Variants in MRPS35 observed in about 807,000 individuals in gnomAD.
MRPS35 encodes small ribosomal subunit protein mS35.
Under a neutral mutation model 32.7 loss-of-function variants are expected in MRPS35, and 29 were observed. The ratio of observed to expected loss-of-function variants is 0.89; its 90% CI spans 0.66 to 1.21. The LOEUF (loss-of-function observed/expected upper bound fraction) is 1.21. Ranked by LOEUF, MRPS35 falls within the 50% of genes most tolerant of loss-of-function variation. The pLI is 0.00. For missense variants in MRPS35, 373 were observed against 383.8 expected, an observed-to-expected ratio of 0.97 and a Z score of 0.23; for synonymous variants, 148 against 139.3, an observed-to-expected ratio of 1.06 and a Z score of -0.44.
intron 5 of MRPS35, among the ~76,000 whole-genome samples, chr12:27,731,552 A>C (rs557266346): frequency 6.6e-6 from 1 of 151,928 alleles, no homozygotes; most frequent in Non-Finnish European, 1.5e-5. Flanking sequence ...GGCTGTACCA[A>C]TTTTTTTCTT....
intron 7 of MRPS35, among the ~76,000 whole-genome samples, chr12:27,750,629 C>A (rs1419730725): frequency 2.1e-5 from 3 of 145,152 alleles, no homozygotes; most frequent in African/African-American, 8.1e-5. Flanking sequence ...ATGGCAAAAC[C>A]CCGTCTCTAC....
At chr12:27,729,718 T>C (rs900958169) in intron 5 of MRPS35, among the ~76,000 whole-genome samples, 1 of 152,142 alleles carries the variant, frequency 6.6e-6, no homozygotes, top group Non-Finnish European at 1.5e-5. Context: ...GTATCATTCT[T>C]TTATTCTACT....
intron 7 of MRPS35, 115 bp from the exon 8 acceptor site, chr12:27,755,066 C>T (rs2140788663): frequency 7.9e-7 from 1 of 1,270,036 alleles, no homozygotes; most frequent in Non-Finnish European, 1.1e-6. Context: ...TTGCAAACTT[C>T]TCTTCCCTTA....
chr12:27,744,751 G>A (rs753417930), intron 7 of MRPS35, among the ~76,000 whole-genome samples: 3 of 152,212 alleles, frequency 2.0e-5, no homozygotes, highest in Non-Finnish European at 1.5e-5. Context: ...TAATGGTAAA[G>A]TGTAACTACG....
chr12:27,729,434 C>T lies in MRPS35; in HGVS notation c.522+5248C>T, dbSNP rs2061912918. Reference sequence around the variant, plus strand: ...TTCAAGTAACCATAGCTTGTTTTTTCTTTTTGTCTTTTGCATTAGATAAAA... The same window carrying T: ...TTCAAGTAACCATAGCTTGTTTTTTTTTTTTGTCTTTTGCATTAGATAAAA... On this transcript the variant is annotated intron_variant, in intron 5 of 7. Transcript: ENST00000081029. Among the ~76,000 whole-genome samples, 3 of 151,950 alleles carry T rather than the reference C, an allele frequency of 2.0e-5. No homozygotes were observed. The South Asian group carries it at 6.2e-4, about 31-fold the overall frequency.
chr12:27,724,398 G>A (rs770595752), intron 5 of MRPS35, among the ~76,000 whole-genome samples: 7 of 151,800 alleles, frequency 4.6e-5, no homozygotes, highest in Non-Finnish European at 8.8e-5. Flanking sequence ...AAATTGATAT[G>A]TGTGATTATA....
At chr12:27,716,250 G>A (rs770876052) in intron 2 of MRPS35, 41 bp from the exon 3 acceptor site, 17 of 1,440,242 alleles carry the variant, frequency 1.2e-5, no homozygotes, top group South Asian at 7.6e-5. Context: ...ATTAAAGAAT[G>A]TGTTTATATT....
chr12:27,730,080 A>G (rs557919213), intron 5 of MRPS35, among the ~76,000 whole-genome samples: 2 of 152,380 alleles, frequency 1.3e-5, no homozygotes, highest in South Asian at 4.1e-4. Context: ...TAAACATCTT[A>G]AAATATACTA....
At chr12:27,751,511 C>A (rs1283067578) in intron 7 of MRPS35, among the ~76,000 whole-genome samples, 1 of 152,186 alleles carries the variant, frequency 6.6e-6, no homozygotes, top group African/African-American at 2.4e-5. Context: ...CTTACACTGT[C>A]CACCTTTATC....
At position 27,755,196 on chromosome 12, in the gene MRPS35, G is replaced by GA; in HGVS notation, c.724dup (p.Ser242LysfsTer2). 6.5e-7 allele frequency: 1 copy of GA among 1,547,136 alleles called. No individual in the cohort carries two copies. The highest frequency in any genetic ancestry group is 8.7e-7 in the Non-Finnish European group (1 of 1,154,948). Reference sequence around the variant, plus strand: ...TTTGTTTCAGAATACTGAAGAATGGGAAAAAAGTAAGACTGAAGCAGACAT... The same window carrying GA: ...TTTGTTTCAGAATACTGAAGAATGGGAAAAAAAGTAAGACTGAAGCAGACAT... On this transcript the variant is annotated frameshift_variant, in exon 8 of 8. Coordinates refer to ENST00000081029, the MANE Select transcript of MRPS35 (RefSeq NM_021821.4). LOFTEE classifies it low-confidence loss of function (END_TRUNC).
intron 1 of MRPS35, among the ~76,000 whole-genome samples, chr12:27,714,329 T>C (rs1274742148): frequency 6.6e-6 from 1 of 152,084 alleles, no homozygotes; most frequent in African/African-American, 2.4e-5. Context: ...GGCTCACACC[T>C]GCCCACCGCA....
At chr12:27,725,798 C>CTTTTTTT (rs1176188580) in intron 5 of MRPS35, 12 of 68,240 alleles carry the variant, frequency 1.8e-4, no homozygotes, top group Non-Finnish European at 2.4e-4. Flanking sequence ...CCTTGTATAC[C>CTTTTTTT]TTTTTTTTTT....
At chr12:27,750,857 C>G (rs893870407) in intron 7 of MRPS35, among the ~76,000 whole-genome samples, 1 of 151,784 alleles carries the variant, frequency 6.6e-6, no homozygotes, top group South Asian at 2.1e-4. Context: ...AATCCCAGCA[C>G]TTTGGGAGGC....
chr12:27,724,465 A>C (rs1239362403), intron 5 of MRPS35, among the ~76,000 whole-genome samples: 1 of 151,636 alleles, frequency 6.6e-6, no homozygotes, highest in Non-Finnish European at 1.5e-5. Context: ...ATTATACACC[A>C]GGCATGGTGG....
At chr12:27,714,637 A>T in intron 1 of MRPS35, 143 bp from the exon 2 acceptor site, 1 of 446,020 alleles carries the variant, frequency 2.2e-6, no homozygotes, top group Non-Finnish European at 3.6e-6. Flanking sequence ...AGCTTACCAA[A>T]AAAAAAAAAA....
At chr12:27,746,338 C>CA (rs71437402) in intron 7 of MRPS35, among the ~76,000 whole-genome samples, 29,970 of 152,148 alleles carry the variant, frequency 0.2, 3,230 homozygotes, top group African/African-American at 0.29. Context: ...TGAGCACTGA[C>CA]ATGATGCTCA....
intron 7 of MRPS35, 123 bp from the exon 8 acceptor site, chr12:27,755,058 G>A: frequency 8.6e-7 from 1 of 1,166,266 alleles, no homozygotes; most frequent in Admixed American, 3.0e-5. Flanking sequence ...TCCACATTTT[G>A]CAAACTTCTC....
At chr12:27,729,641 A>C (rs905960546) in intron 5 of MRPS35, among the ~76,000 whole-genome samples, 1 of 152,136 alleles carries the variant, frequency 6.6e-6, no homozygotes, top group Admixed American at 6.5e-5. Context: ...GAATTATTGA[A>C]GTCATAAATT....
At chr12:27,715,827 A>G (rs1334106369) in intron 2 of MRPS35, among the ~76,000 whole-genome samples, 1 of 152,234 alleles carries the variant, frequency 6.6e-6, no homozygotes, top group Non-Finnish European at 1.5e-5. Flanking sequence ...TGGGCCTAGG[A>G]GACATATAAT....
Sources: gnomAD v4.1 joint callset for allele counts (sites outside exome capture counted in the v4.1 genomes callset) on GRCh38, gnomAD v4.1.1 for gene constraint, MANE v1.5 for transcripts, NCBI Gene and HGNC (gene_info 2026-07-23, HGNC 2026-07-21) for gene names.